The following PATE4 variants were observed in gnomAD, a reference collection of about 807,000 sequenced individuals.
The protein encoded by PATE4 is prostate and testis expressed 4.
Under a neutral mutation model 8.5 loss-of-function variants are expected in PATE4, and 13 were observed. The observed-to-expected ratio is 1.53, with a 90% CI of 1.00 to 2.43. PATE4 has a LOEUF of 2.43. PATE4 is among the 30% of genes most tolerant of loss of function. PATE4 has a pLI of 0.00. For missense variants in PATE4, 127 were observed against 115.5 expected (o/e 1.10, Z -0.46); for synonymous variants, 47 against 39.3 (o/e 1.20, Z -0.73).
intron 2 of PATE4, 102 bp from the exon 3 acceptor site, chr11:125,838,204 G>T (rs538105878): frequency 1.5e-6 from 2 of 1,306,380 alleles, no homozygotes; most frequent in Non-Finnish European, 2.0e-6. Context: ...GAGCCGGGAA[G>T]GAGACCCAGT....
At chr11:125,833,557 C>A (rs758116588) in intron 1 of PATE4, 140 bp downstream of exon 1, 1 of 706,024 alleles carries the variant, frequency 1.4e-6, no homozygotes, top group Non-Finnish European at 2.3e-6. Context: ...TCAGAGAGAT[C>A]ATATATAACA....
chr11:125,834,776 C>G, intron 1 of PATE4, among the ~76,000 whole-genome samples: 1 of 152,078 alleles, frequency 6.6e-6, no homozygotes, highest in East Asian at 1.9e-4. Flanking sequence ...CTTAAATTCT[C>G]ATAAGAGACT....
chr11:125,837,273 T>A (rs1943927185), intron 1 of PATE4, among the ~76,000 whole-genome samples: 1 of 152,070 alleles, frequency 6.6e-6, no homozygotes, highest in Non-Finnish European at 1.5e-5. Flanking sequence ...CCAAATCACC[T>A]CTCTGTCTGC....
chr11:125,838,645 C>A lies in PATE4; in HGVS notation c.*218C>A. The A allele has an allele frequency of 2.1e-6, 1 of 465,602 alleles. No individual in the cohort carries two copies. Among genetic ancestry groups the A allele is most frequent in the Non-Finnish European group, 3.7e-6 (1 of 269,056 alleles). The allele number at this position is 465,602 out of a possible 1,614,324, so 28.8% of individuals were successfully genotyped here. On this transcript the variant is annotated 3_prime_UTR_variant, in exon 3 of 3. Coordinates refer to ENST00000457514, the MANE Select transcript of PATE4 (RefSeq NM_001144874.1). ...GCATTGAAACAAAATCCTCCATGAGCTATGCTTATTCTTTTGTCTTCTACT... is the reference window on the plus strand; with the variant it reads ...GCATTGAAACAAAATCCTCCATGAGATATGCTTATTCTTTTGTCTTCTACT...
At chr11:125,837,212 GTC>G (rs997768790) in intron 1 of PATE4, among the ~76,000 whole-genome samples, 1 of 151,980 alleles carries the variant, frequency 6.6e-6, no homozygotes, top group African/African-American at 2.4e-5. Context: ...CTCCAATGTC[GTC>G]TCCCTACCCT....
intron 1 of PATE4, among the ~76,000 whole-genome samples, chr11:125,834,642 A>G (rs1464563366): frequency 1.3e-5 from 2 of 152,204 alleles, no homozygotes; most frequent in South Asian, 2.1e-4. Context: ...CAAAATTACA[A>G]AAGTGTTTAC....
intron 1 of PATE4, among the ~76,000 whole-genome samples, chr11:125,834,756 G>A (rs772581865): frequency 6.6e-6 from 1 of 152,060 alleles, no homozygotes; most frequent in Non-Finnish European, 1.5e-5. Flanking sequence ...ATATCAAAAA[G>A]TGCAAATAAC....
At chr11:125,836,541 C>T (rs1363717801) in intron 1 of PATE4, among the ~76,000 whole-genome samples, 2 of 152,156 alleles carry the variant, frequency 1.3e-5, no homozygotes, top group Non-Finnish European at 2.9e-5. Flanking sequence ...ATGTTCTTCA[C>T]TGTGCCCATA....
Position 125,839,483 on chromosome 11 carries a change from T to A in PATE4, c.*1056T>A. 1 of 152,416 alleles carries A rather than the reference T, an allele frequency of 6.6e-6. No individual in the cohort carries two copies. Among genetic ancestry groups the A allele is most frequent in the Admixed American group, 6.5e-5 (1 of 15,304 alleles). The allele number at this position is 152,416 out of a possible 1,614,324, so 9.4% of individuals were successfully genotyped here. A position where few individuals can be genotyped will look rare whatever the true frequency, so the allele number is the denominator to read the frequency against. Reference sequence around the variant, plus strand: ...CCTAATAGCTCAATTTATCAGTTCCTCATTAGCTTGTGTACTCACTGAAAT... The same window carrying A: ...CCTAATAGCTCAATTTATCAGTTCCACATTAGCTTGTGTACTCACTGAAAT... On this transcript the variant is annotated 3_prime_UTR_variant, in exon 3 of 3. Transcript: ENST00000457514.
Position 125,833,375 on chromosome 11 carries a change from A to G in PATE4, c.16A>G (p.Thr6Ala). Residue 6 changes from threonine (T) to alanine (A), a missense_variant, in exon 1 of 3, where the codon ACA (threonine) becomes GCA (alanine). Coordinates refer to ENST00000457514, the MANE Select transcript of PATE4 (RefSeq NM_001144874.1). ...CAAGCATCCAATGAGGAAAATGAAC[A>G]CACTGCTCCTTGTGAGCTTATCTTT... is the stretch of plus-strand genomic sequence containing the variant. MRKMN[T>A]LLLVSLSFLY... The G allele has an allele frequency of 6.4e-7, 1 of 1,551,484 alleles. No individual in the cohort carries two copies. Among genetic ancestry groups the G allele is most frequent in the Non-Finnish European group, 8.7e-7 (1 of 1,146,886 alleles).
intron 1 of PATE4, among the ~76,000 whole-genome samples, chr11:125,834,603 C>T (rs1339986359): frequency 6.6e-6 from 1 of 152,144 alleles, no homozygotes; most frequent in East Asian, 1.9e-4. Flanking sequence ...AGTTACATCT[C>T]CTCTGGTGGG....
chr11:125,837,701 C>A (rs899567117), intron 1 of PATE4, among the ~76,000 whole-genome samples, 167 bp from the exon 2 acceptor site: 6 of 152,306 alleles, frequency 3.9e-5, no homozygotes, highest in African/African-American at 1.4e-4. Context: ...TTTTTATCCA[C>A]CTCCTAGCTT....
At chr11:125,834,515 T>C (rs1943906981) in intron 1 of PATE4, among the ~76,000 whole-genome samples, 1 of 152,160 alleles carries the variant, frequency 6.6e-6, no homozygotes, top group South Asian at 2.1e-4. Context: ...ATTGTCAACA[T>C]CCAGGAGTTT....
chr11:125,833,432 T>TG lies in PATE4; in HGVS notation c.58+20dup. On this transcript the variant is annotated intron_variant, in intron 1 of 2. Transcript: ENST00000457514. ...CCTCAAAGAGGGTAAGTTTGAACAATGGGGGTGGAGGGAGGCAACTTAGGG... is the reference window on the plus strand; with the variant it reads ...CCTCAAAGAGGGTAAGTTTGAACAATGGGGGGTGGAGGGAGGCAACTTAGGG... 4 of 1,550,462 alleles carry TG rather than the reference T, an allele frequency of 2.6e-6. No homozygotes were observed. Among genetic ancestry groups the TG allele is most frequent in the Non-Finnish European group, 3.5e-6 (4 of 1,145,954 alleles).
chr11:125,838,004 A>G lies in PATE4; in HGVS notation c.175+20A>G, dbSNP rs1943932601. 6.6e-7 allele frequency: 1 copy of G among 1,519,874 alleles called. No individual in the cohort carries two copies. Among genetic ancestry groups the G allele is most frequent in the East Asian group, 2.5e-5 (1 of 40,758 alleles). The allele number at this position is 1,519,874 out of a possible 1,614,324, so 94.1% of individuals were successfully genotyped here. A position where few individuals can be genotyped will look rare whatever the true frequency, so the allele number is the denominator to read the frequency against. ...TCAGGGGTAAGTGGGGCTCATGAAG[A>G]CTCCAAAATTGCCTGCAAAGAACCA... is the stretch of plus-strand genomic sequence containing the variant. On this transcript the variant is annotated intron_variant, in intron 2 of 2. Coordinates refer to ENST00000457514, the MANE Select transcript of PATE4 (RefSeq NM_001144874.1).
At position 125,834,850 on chromosome 11, in the gene PATE4, A is replaced by G. The variant is rs79719040; in HGVS notation, c.58+1433A>G. On this transcript the variant is annotated intron_variant, in intron 1 of 2. Transcript: ENST00000457514. ...TATACACTTAGTATACATTATTCAA[A>G]AAATCAAAGTGCAGAGTATGCATAG... 1.0e-3 allele frequency among the ~76,000 whole-genome samples: 157 copies of G among 152,374 alleles called. 3 individuals carry two copies. In the East Asian group the frequency reaches 0.023, roughly 22 times the overall value.
chr11:125,834,813 A>C (rs1304731995), intron 1 of PATE4, among the ~76,000 whole-genome samples: 1 of 152,210 alleles, frequency 6.6e-6, no homozygotes, highest in African/African-American at 2.4e-5. Context: ...GTACAGCACT[A>C]CAGTGGAATA....
rs777257847 is a variant in PATE4 at position 125,838,410 on chromosome 11, T to C, written c.280T>C (p.Phe94Leu). The C allele has an allele frequency of 6.5e-7, 1 of 1,549,204 alleles. No individual in the cohort carries two copies. The highest frequency in any genetic ancestry group is 1.2e-5 in the South Asian group (1 of 83,598). ...LRVTLCCDRN[F>L]CNVF ...AGTGACACTGTGCTGTGACAGAAAC[T>C]TCTGTAATGTCTTCTAATGGAGCTT... Residue 94 changes from phenylalanine (F) to leucine (L), a missense_variant, in exon 3 of 3, where the codon TTC becomes CTC. Phe to Leu is a conservative substitution (Grantham distance 22). Coordinates refer to ENST00000457514, the MANE Select transcript of PATE4 (RefSeq NM_001144874.1).
At position 125,839,174 on chromosome 11, in the gene PATE4, T is replaced by A. The variant is rs1943942220; in HGVS notation, c.*747T>A. ...TTTAAGCCACTAAGTTTGCAATAAT[T>A]TATTATAGCAGCAATGGGAAACTAA... On this transcript the variant is annotated 3_prime_UTR_variant, in exon 3 of 3. Transcript: ENST00000457514. 6.6e-6 allele frequency: 1 copy of A among 152,196 alleles called. No individual in the cohort carries two copies. The highest frequency in any genetic ancestry group is 1.5e-5 in the Non-Finnish European group (1 of 68,044). The allele number at this position is 152,196 out of a possible 1,614,324, so 9.4% of individuals were successfully genotyped here.
Sources: gnomAD v4.1 joint callset for allele counts (sites outside exome capture counted in the v4.1 genomes callset) on GRCh38, gnomAD v4.1.1 for gene constraint, MANE v1.5 for transcripts, NCBI Gene and HGNC (gene_info 2026-07-23, HGNC 2026-07-21) for gene names.